Variants in ACVR1C observed in about 807,000 individuals in gnomAD.
The protein encoded by ACVR1C is activin receptor type-1C.
ACVR1C carries 23 observed loss-of-function variants against 57.9 expected under a neutral mutation model. The observed-to-expected ratio is 0.40, with a 90% CI of 0.29 to 0.56. The LOEUF (loss-of-function observed/expected upper bound fraction) is 0.56, where lower values mean the gene tolerates loss of function less well. Ranked by LOEUF, ACVR1C falls within the 20% of genes least tolerant of loss-of-function variation. The probability of loss-of-function intolerance (pLI) is 0.50; values close to 1 mark genes in which losing one functional copy is unlikely to be tolerated. For synonymous variants in ACVR1C, 214 were observed against 215.3 expected (o/e 0.99, Z 0.05); for missense variants, 480 against 607.9 (o/e 0.79, Z 2.21).
chr2:157,607,425 T>G (rs1477715016), intron 1 of ACVR1C, among the ~76,000 whole-genome samples: 3 of 151,730 alleles, frequency 2.0e-5, no homozygotes, highest in African/African-American at 7.2e-5. Context: ...TTGCTCTTTT[T>G]GCTTAGAATT....
intron 2 of ACVR1C, among the ~76,000 whole-genome samples, chr2:157,575,114 A>G (rs916482963): frequency 6.8e-6 from 1 of 147,508 alleles, no homozygotes; most frequent in Non-Finnish European, 1.5e-5. Context: ...AGTGTGCACC[A>G]CCATACCCGG....
chr2:157,615,332 A>AC (rs1558997933), intron 1 of ACVR1C, among the ~76,000 whole-genome samples: 2 of 151,530 alleles, frequency 1.3e-5, no homozygotes, highest in African/African-American at 4.8e-5. Context: ...AAAAAAAAAA[A>AC]ACACAAAAAG....
At chr2:157,624,511 G>A (rs1682857136) in intron 1 of ACVR1C, among the ~76,000 whole-genome samples, 1 of 152,164 alleles carries the variant, frequency 6.6e-6, no homozygotes, top group African/African-American at 2.4e-5. Flanking sequence ...GCGAACTTGG[G>A]AAAAACCAAC....
At chr2:157,578,396 G>A (rs766995528) in intron 2 of ACVR1C, among the ~76,000 whole-genome samples, 14 of 152,000 alleles carry the variant, frequency 9.2e-5, no homozygotes, top group African/African-American at 2.2e-4. Flanking sequence ...TTTTAACTCC[G>A]TTGGCCCCTC....
intron 2 of ACVR1C, among the ~76,000 whole-genome samples, chr2:157,583,531 A>G (rs1688838377): frequency 6.6e-6 from 1 of 152,222 alleles, no homozygotes; most frequent in South Asian, 2.1e-4. Context: ...GGATTATAAA[A>G]TTTAAATAAA....
At position 157,628,659 on chromosome 2, in the gene ACVR1C, C is replaced by G. The variant is rs761523810; in HGVS notation, c.-15G>C. ...GCCCGGGTCATCGCCACCAGGCGGC[C>G]GCGCCGGGGCTGCGAGGCCCCAGAG... is the stretch of plus-strand genomic sequence containing the variant. On this transcript the variant is annotated 5_prime_UTR_variant, in exon 1 of 9. Transcript: ENST00000243349. 2.0e-4 allele frequency: 305 copies of G among 1,555,958 alleles called. No individual in the cohort carries two copies. In the Middle Eastern group the frequency reaches 3.3e-3, roughly 17 times the overall value.
chr2:157,545,736 A>G (rs1020042285), intron 4 of ACVR1C, among the ~76,000 whole-genome samples: 2 of 152,144 alleles, frequency 1.3e-5, no homozygotes, highest in Non-Finnish European at 2.9e-5. Flanking sequence ...ACCAAGGATA[A>G]TATGTCTTGT....
chr2:157,537,848 A>C (rs143630138), intron 8 of ACVR1C, among the ~76,000 whole-genome samples: 20 of 152,326 alleles, frequency 1.3e-4, no homozygotes, highest in Middle Eastern at 6.8e-3. Context: ...CATAACAAGC[A>C]TTGCAATAAC....
At chr2:157,587,585 C>T (rs1688956706) in intron 1 of ACVR1C, among the ~76,000 whole-genome samples, 168 bp from the exon 2 acceptor site, 1 of 152,036 alleles carries the variant, frequency 6.6e-6, no homozygotes, top group African/African-American at 2.4e-5. Flanking sequence ...TCATATATTT[C>T]ACTAAACATC....
At chr2:157,597,337 C>G (rs371544141) in intron 1 of ACVR1C, 14 of 985,628 alleles carry the variant, frequency 1.4e-5, no homozygotes, top group African/African-American at 1.7e-5. Context: ...CACCCCGGCC[C>G]GCCCCCGGGG....
At chr2:157,591,800 C>T (rs1006378001) in intron 1 of ACVR1C, among the ~76,000 whole-genome samples, 2 of 151,984 alleles carry the variant, frequency 1.3e-5, no homozygotes, top group Non-Finnish European at 2.9e-5. Flanking sequence ...CTCATATAAT[C>T]CCACTGCAAC....
intron 3 of ACVR1C, among the ~76,000 whole-genome samples, chr2:157,551,166 A>G (rs1481145413): frequency 6.6e-6 from 1 of 152,250 alleles, no homozygotes; most frequent in Non-Finnish European, 1.5e-5. Context: ...AGAGATTAAG[A>G]GCACAGGCGG....
At chr2:157,623,474 G>T (rs1682831201) in intron 1 of ACVR1C, among the ~76,000 whole-genome samples, 1 of 152,182 alleles carries the variant, frequency 6.6e-6, no homozygotes, top group Non-Finnish European at 1.5e-5. Flanking sequence ...TGGAAGTGGA[G>T]ATCATTATGT....
chr2:157,597,692 C>A (rs1682169006), intron 1 of ACVR1C: 1 of 403,278 alleles, frequency 2.5e-6, no homozygotes, highest in Non-Finnish European at 3.4e-6. Flanking sequence ...ATTTTTAAAA[C>A]CTGTGTGTCT....
At chr2:157,616,879 A>G (rs1682664304) in intron 1 of ACVR1C, among the ~76,000 whole-genome samples, 1 of 151,984 alleles carries the variant, frequency 6.6e-6, no homozygotes, top group Non-Finnish European at 1.5e-5. Flanking sequence ...GAAATACTCA[A>G]AAAAATTACT....
chr2:157,562,307 T>A lies in ACVR1C; in HGVS notation c.305-5975A>T, dbSNP rs781355068. Among the ~76,000 whole-genome samples the A allele has an allele frequency of 5.6e-3, 769 of 137,134 alleles. 11 individuals carry two copies. The highest frequency in any genetic ancestry group is 0.018 in the African/African-American group (668 of 36,446). 90.0% of individuals were successfully genotyped at this position (137,134 alleles called of 152,430 possible). A position where few individuals can be genotyped will look rare whatever the true frequency, so the allele number is the denominator to read the frequency against. ...AGACACCGTCTCAAAAAAAAAAAAA[T>A]ATATATATATATAAAATATATACAT... On this transcript the variant is annotated intron_variant, in intron 2 of 8. Transcript: ENST00000243349.
In ACVR1C at chr2:157,587,238, C is replaced by A; in HGVS notation, c.253G>T (p.Glu85Ter). 1 of 1,613,622 alleles carries A rather than the reference C, an allele frequency of 6.2e-7. No individual in the cohort carries two copies. The change falls in exon 2 of 9, where the codon GAA becomes TAA. Residue 85 changes from glutamate to a stop codon, truncating the protein, a stop_gained. Transcript: ENST00000243349. LOFTEE classifies it high-confidence loss of function. ...CHSSNNVTKT[E>*]CCFTDFCNNI... ...TTGCAAAAATCTGTGAAGCAGCATT[C>A]GGTTTTGGTAACATTGTTGGAACTA...
At chr2:157,553,096 A>G (rs1687958485) in intron 3 of ACVR1C, among the ~76,000 whole-genome samples, 1 of 152,222 alleles carries the variant, frequency 6.6e-6, no homozygotes, top group African/African-American at 2.4e-5. Context: ...AATACGCTTC[A>G]CAGTTTTTGT....
rs970477564 is a variant in ACVR1C, at chr2:157,567,466, G to GA, written c.305-11135dup. On this transcript the variant is annotated intron_variant, in intron 2 of 8. Transcript: ENST00000243349. Reference sequence around the variant, plus strand: ...CAAAGGCAAAGAAGTTGAAAACTTTGAAAAAAATTTAGAAGAATGTATAAC... The same window carrying GA: ...CAAAGGCAAAGAAGTTGAAAACTTTGAAAAAAAATTTAGAAGAATGTATAAC... 8.7e-5 allele frequency among the ~76,000 whole-genome samples: 3 copies of GA among 34,660 alleles called. No individual in the cohort carries two copies. In the Admixed American group the frequency reaches 9.6e-4, roughly 11 times the overall value. The allele number at this position is 34,660 out of a possible 152,430, so 22.7% of individuals were successfully genotyped here.
Sources: allele counts gnomAD v4.1 joint callset (sites outside exome capture counted in the v4.1 genomes callset), GRCh38; gene constraint gnomAD v4.1.1; transcripts MANE v1.5; gene names NCBI Gene and HGNC (gene_info 2026-07-23, HGNC 2026-07-21).